GAN: variants seen among roughly 807,000 people sequenced by gnomAD.
GAN encodes the protein gigaxonin, also known as epididymis secretory sperm binding protein.
A neutral mutation model predicts 71.3 loss-of-function variants in GAN; 48 were observed. The ratio of observed to expected loss-of-function variants is 0.67; its 90% CI spans 0.53 to 0.86. The LOEUF (loss-of-function observed/expected upper bound fraction) is 0.86. Ranked by LOEUF, GAN falls within the 40% of genes least tolerant of loss-of-function variation. GAN has a pLI of 0.00. For synonymous variants in GAN, 386 were observed against 276.8 expected, an observed-to-expected ratio of 1.39 and a Z score of -3.92; for missense variants, 928 against 770.1, an observed-to-expected ratio of 1.21 and a Z score of -2.43.
At position 81,315,074 on chromosome 16, in the gene GAN, G is replaced by T. The variant is rs1421866701; in HGVS notation, c.-40G>T. On this transcript the variant is annotated 5_prime_UTR_variant, in exon 1 of 11. Transcript: ENST00000648994. ...CGCTCGAGGGGTCCGGCCGGACGGT[G>T]TCGGGAGCCGGACCCGTCGGCAGAG... The T allele has an allele frequency of 2.1e-6, 3 of 1,442,112 alleles. No homozygotes were observed. Among genetic ancestry groups the T allele is most frequent in the Non-Finnish European group, 2.8e-6 (3 of 1,089,708 alleles). 89.3% of individuals were successfully genotyped at this position (1,442,112 alleles called of 1,614,324 possible).
In GAN at chr16:81,387,712, A is replaced by C. The variant is rs1904444590; in HGVS notation, c.*10116A>C. ...GCCCCTGTAATCCCAGCTACTCGGG[A>C]GGTTGAGGGAGGAGAATCACTTGAC... On this transcript the variant is annotated 3_prime_UTR_variant, in exon 11 of 11. Coordinates refer to ENST00000648994, the MANE Select transcript of GAN (RefSeq NM_022041.4). 1 of 152,088 alleles carries C rather than the reference A, an allele frequency of 6.6e-6. No homozygotes were observed. The highest frequency in any genetic ancestry group is 2.4e-5 in the African/African-American group (1 of 41,350). 9.4% of individuals were successfully genotyped at this position (152,088 alleles called of 1,614,324 possible). A position where few individuals can be genotyped will look rare whatever the true frequency, so the allele number is the denominator to read the frequency against.
At chr16:81,353,740 C>T (rs911132608) in intron 2 of GAN, among the ~76,000 whole-genome samples, 10 of 150,942 alleles carry the variant, frequency 6.6e-5, no homozygotes, top group Non-Finnish European at 1.3e-4. Context: ...GAGGAAGAAG[C>T]ATTAGTCAGA....
intron 9 of GAN, among the ~76,000 whole-genome samples, chr16:81,374,162 G>A (rs1315592913): frequency 1.3e-5 from 2 of 152,076 alleles, no homozygotes; most frequent in Non-Finnish European, 2.9e-5. Context: ...TTAGACTGAG[G>A]TTATGCAGTT....
intron 2 of GAN, 63 bp from the exon 3 acceptor site, chr16:81,354,342 G>A: frequency 2.0e-6 from 2 of 992,604 alleles, no homozygotes; most frequent in South Asian, 2.6e-5. Context: ...CCAATTAATA[G>A]GTTAGTGGTT....
intron 1 of GAN, among the ~76,000 whole-genome samples, chr16:81,339,681 A>G (rs974886497): frequency 6.6e-6 from 1 of 152,198 alleles, no homozygotes; most frequent in Non-Finnish European, 1.5e-5. Flanking sequence ...CATAACAGGA[A>G]TCTATTTTTA....
At chr16:81,351,506 T>A in intron 1 of GAN, 77 bp from the exon 2 acceptor site, 1 of 753,318 alleles carries the variant, frequency 1.3e-6, no homozygotes. Flanking sequence ...TTATACGTTA[T>A]AGAGTTTTGA....
chr16:81,315,688 C>G (rs939860789), intron 1 of GAN, among the ~76,000 whole-genome samples: 2 of 152,184 alleles, frequency 1.3e-5, no homozygotes, highest in African/African-American at 4.8e-5. Context: ...GAGTCACCCC[C>G]TCGCCCAGGC....
At chr16:81,345,867 G>A (rs983761473) in intron 1 of GAN, among the ~76,000 whole-genome samples, 4 of 152,180 alleles carry the variant, frequency 2.6e-5, no homozygotes, top group African/African-American at 9.7e-5. Flanking sequence ...ATGGTTTCAG[G>A]GTGTAACCGT....
chr16:81,347,919 G>A, intron 1 of GAN, among the ~76,000 whole-genome samples: 1 of 151,852 alleles, frequency 6.6e-6, no homozygotes, highest in East Asian at 1.9e-4. Context: ...ATCTTTTTTG[G>A]TTGGGGGGAC....
At chr16:81,349,240 CT>C (rs1910220317) in intron 1 of GAN, among the ~76,000 whole-genome samples, 2 of 152,174 alleles carry the variant, frequency 1.3e-5, no homozygotes, top group African/African-American at 4.8e-5. Flanking sequence ...TTCCCGGAGC[CT>C]TTGGGAAGTC....
In GAN at chr16:81,387,500, C is replaced by T. The variant is rs1389322620; in HGVS notation, c.*9904C>T. 6.6e-6 allele frequency: 1 copy of T among 152,574 alleles called. No individual in the cohort carries two copies. Among genetic ancestry groups the T allele is most frequent in the Non-Finnish European group, 1.5e-5 (1 of 68,368 alleles). The allele number at this position is 152,574 out of a possible 1,614,324, so 9.5% of individuals were successfully genotyped here. A position where few individuals can be genotyped will look rare whatever the true frequency, so the allele number is the denominator to read the frequency against. ...AGGGAACGAGCCTCTGCCTGTGTGTCCTGACCCCTCTTGCCTTGTTTTTGA... is the reference window on the plus strand; with the variant it reads ...AGGGAACGAGCCTCTGCCTGTGTGTTCTGACCCCTCTTGCCTTGTTTTTGA... On this transcript the variant is annotated 3_prime_UTR_variant, in exon 11 of 11. Coordinates refer to ENST00000648994, the MANE Select transcript of GAN (RefSeq NM_022041.4).
Position 81,385,033 on chromosome 16 carries a change from G to A in GAN, c.*7437G>A, listed in dbSNP as rs1426449829. The A allele has an allele frequency of 6.5e-6, 1 of 154,216 alleles. No individual in the cohort carries two copies. 9.6% of individuals were successfully genotyped at this position (154,216 alleles called of 1,614,324 possible). On this transcript the variant is annotated 3_prime_UTR_variant, in exon 11 of 11. Coordinates refer to ENST00000648994, the MANE Select transcript of GAN (RefSeq NM_022041.4). ...CCATTTCTAAAAGCCTGGCATATTT[G>A]GTATAACTTAAGCACCAGGTAAAAT...
At position 81,353,383 on chromosome 16, in the gene GAN, T is replaced by G. The variant is rs1170361615; in HGVS notation, c.283-1022T>G. Among the ~76,000 whole-genome samples the G allele has an allele frequency of 2.0e-5, 3 of 152,328 alleles. No individual in the cohort carries two copies. The East Asian group carries it at 5.8e-4, about 29-fold the overall frequency. The stretch of plus-strand genomic sequence containing the variant: ...TATTGAAATGCAGTTGAGTGTTTTT[T>G]TCACGTGCCTATATTTGAAGAGTCT... On this transcript the variant is annotated intron_variant, in intron 2 of 10. Transcript: ENST00000648994.
intron 1 of GAN, among the ~76,000 whole-genome samples, chr16:81,331,390 A>C (rs1567481572): frequency 6.6e-6 from 1 of 152,214 alleles, no homozygotes; most frequent in Non-Finnish European, 1.5e-5. Context: ...TGCGGGGGAA[A>C]AGTGGTGATA....
chr16:81,338,898 C>G (rs1414738896), intron 1 of GAN, among the ~76,000 whole-genome samples: 1 of 152,216 alleles, frequency 6.6e-6, no homozygotes, highest in Non-Finnish European at 1.5e-5. Context: ...GGTAGATGAT[C>G]ATCCAGCATG....
chr16:81,363,210 T>G (rs1056381002), intron 6 of GAN, among the ~76,000 whole-genome samples: 5 of 152,236 alleles, frequency 3.3e-5, no homozygotes, highest in Admixed American at 6.5e-5. Flanking sequence ...CACGTCAACT[T>G]GAAAACACTG....
intron 1 of GAN, among the ~76,000 whole-genome samples, chr16:81,318,533 G>A (rs1363772324): frequency 6.6e-6 from 1 of 152,118 alleles, no homozygotes; most frequent in Admixed American, 6.5e-5. Flanking sequence ...AATAGGAGCA[G>A]TATTGTCTTT....
intron 1 of GAN, 73 bp downstream of exon 1, chr16:81,315,353 G>A: frequency 8.7e-7 from 1 of 1,151,834 alleles, no homozygotes; most frequent in Non-Finnish European, 1.1e-6. Context: ...CGGGCCGGGC[G>A]TGGCCCCCAG....
intron 1 of GAN, among the ~76,000 whole-genome samples, chr16:81,338,528 A>T (rs1208463674): frequency 6.6e-6 from 1 of 152,204 alleles, no homozygotes; most frequent in Non-Finnish European, 1.5e-5. Flanking sequence ...AAAATTCTAG[A>T]TAAAAAAGGG....
Sources: allele counts gnomAD v4.1 joint callset (sites outside exome capture counted in the v4.1 genomes callset), GRCh38; gene constraint gnomAD v4.1.1; transcripts MANE v1.5; gene names NCBI Gene and HGNC (gene_info 2026-07-23, HGNC 2026-07-21).